FSD2: variants seen among roughly 807,000 people sequenced by gnomAD.
The protein encoded by FSD2 is fibronectin type III and SPRY domain containing 2.
A neutral mutation model predicts 80.4 loss-of-function variants in FSD2; 71 were observed. The ratio of observed to expected loss-of-function variants is 0.88; its 90% CI spans 0.73 to 1.08. The LOEUF is 1.08. Ranked by LOEUF, FSD2 falls within the 50% of genes least tolerant of loss-of-function variation. The probability of loss-of-function intolerance (pLI) is 0.00; values close to 1 mark genes in which losing one functional copy is unlikely to be tolerated. For synonymous variants in FSD2, 361 were observed against 329.5 expected (o/e 1.10, Z -1.03); for missense variants, 923 against 913.8 (o/e 1.01, Z -0.13).
At position 82,759,459 on chromosome 15, in the gene FSD2, T is replaced by C. The variant is rs1424943352; in HGVS notation, c.2139A>G (p.Thr713=). 1.9e-6 allele frequency: 3 copies of C among 1,613,634 alleles called. No homozygotes were observed. The highest frequency in any genetic ancestry group is 4.5e-5 in the East Asian group (2 of 44,882). ...CAAATTCGTGAAGCTGACAACTAAATGTATATAGATGCTGAGAAAGGTCCA... is the reference window on the plus strand; with the variant it reads ...CAAATTCGTGAAGCTGACAACTAAACGTATATAGATGCTGAGAAAGGTCCA... ...FNVDLSQHLY[T]FSCQLHEFVH... is the part of the protein sequence containing the mutation. The change falls in exon 13 of 13, where the codon ACA becomes ACG. Residue 713 remains threonine, a synonymous_variant. Coordinates refer to ENST00000334574, the MANE Select transcript of FSD2 (RefSeq NM_001007122.4).
chr15:82,794,402 GGTCT>G (rs1217554475), intron 1 of FSD2, among the ~76,000 whole-genome samples: 1 of 152,080 alleles, frequency 6.6e-6, no homozygotes, highest in African/African-American at 2.4e-5. Flanking sequence ...GCTAGCATAT[GGTCT>G]GTCTTAGAGA....
intron 11 of FSD2, 56 bp downstream of exon 11, chr15:82,765,110 A>T: frequency 6.5e-7 from 1 of 1,531,608 alleles, no homozygotes; most frequent in Non-Finnish European, 8.8e-7. Context: ...TGACCTGAAT[A>T]ACAGTGCACC....
Position 82,782,065 on chromosome 15 carries a change from AAATAATAAT to A in FSD2, c.966+721_966+729del, listed in dbSNP as rs71455428. On this transcript the variant is annotated intron_variant, in intron 4 of 12. Coordinates refer to ENST00000334574, the MANE Select transcript of FSD2 (RefSeq NM_001007122.4). ...GGCAACAGAGCGAGACTCCATCTCA[AAATAATAAT>A]AATAATAATAATAATAATAATAATA... Among the ~76,000 whole-genome samples the A allele has an allele frequency of 5.9e-3, 627 of 107,014 alleles. 4 individuals are homozygous for A. Among genetic ancestry groups the A allele is most frequent in the Non-Finnish European group, 7.1e-3 (396 of 55,542 alleles). 70.2% of individuals were successfully genotyped at this position (107,014 alleles called of 152,430 possible). A position where few individuals can be genotyped will look rare whatever the true frequency, so the allele number is the denominator to read the frequency against.
rs191247157 is a variant in FSD2 at position 82,764,817 on chromosome 15, G to T, written c.1820+349C>A. ...GTTTGTGCATTTTGTCCAATTCTTT[G>T]TTCAGAACGCCAAGAACTTGGACAC... is the stretch of plus-strand genomic sequence containing the variant. On this transcript the variant is annotated intron_variant, in intron 11 of 12. Coordinates refer to ENST00000334574, the MANE Select transcript of FSD2 (RefSeq NM_001007122.4). Among the ~76,000 whole-genome samples, 1,079 of 152,020 alleles carry T rather than the reference G, an allele frequency of 7.1e-3. 12 individuals carry two copies. The highest frequency in any genetic ancestry group is 0.024 in the African/African-American group (1,006 of 41,460).
intron 1 of FSD2, among the ~76,000 whole-genome samples, chr15:82,796,997 G>A (rs2050287622): frequency 2.1e-5 from 3 of 139,594 alleles, no homozygotes; most frequent in African/African-American, 8.0e-5. Flanking sequence ...TCATTGCACT[G>A]TAAGATTTCA....
chr15:82,797,607 G>A (rs573218676), intron 1 of FSD2, among the ~76,000 whole-genome samples: 3 of 152,190 alleles, frequency 2.0e-5, no homozygotes, highest in East Asian at 1.9e-4. Context: ...TCAGGAGATC[G>A]AAACCGTCCT....
intron 2 of FSD2, 24 bp from the exon 3 acceptor site, chr15:82,786,630 A>G (rs1371417956): frequency 6.2e-7 from 1 of 1,609,668 alleles, no homozygotes; most frequent in South Asian, 1.1e-5. Context: ...GATCACAAAG[A>G]AGGTATTAAT....
intron 1 of FSD2, among the ~76,000 whole-genome samples, chr15:82,795,989 CTTTTTCTTTTCTT>C (rs2050256104): frequency 1.4e-5 from 2 of 140,350 alleles, no homozygotes; most frequent in African/African-American, 5.3e-5. Context: ...ATTTCCTTTT[CTTTTTCTTTTCTT>C]TTTTTTTTTT....
At chr15:82,783,298 C>G (rs2049916571) in intron 3 of FSD2, among the ~76,000 whole-genome samples, 1 of 152,064 alleles carries the variant, frequency 6.6e-6, no homozygotes, top group Non-Finnish European at 1.5e-5. Context: ...GGGGTTTCAT[C>G]ATATTGGCCA....
At chr15:82,771,219 G>A (rs1227433072) in intron 7 of FSD2, among the ~76,000 whole-genome samples, 3 of 152,152 alleles carry the variant, frequency 2.0e-5, no homozygotes, top group African/African-American at 4.8e-5. Context: ...CCTGATTCAC[G>A]TCCTTGTTCT....
chr15:82,769,020 G>A lies in FSD2; in HGVS notation c.1413C>T (p.Pro471=). ...TTATCTCTTTGGTTTTAATAATGGG[G>A]GGAGAAGGTGCTAAATGTGGGAGAA... ...ERAVYMTAPS[P]PIIKTKEIRS... is the part of the protein sequence containing the mutation. The change falls in exon 9 of 13, where the codon CCC becomes CCT. Residue 471 remains proline, a synonymous_variant. Coordinates refer to ENST00000334574, the MANE Select transcript of FSD2 (RefSeq NM_001007122.4). The A allele has an allele frequency of 1.3e-6, 2 of 1,581,422 alleles. No homozygotes were observed. Among genetic ancestry groups the A allele is most frequent in the Non-Finnish European group, 1.7e-6 (2 of 1,166,504 alleles).
At chr15:82,765,323 G>C (rs745636599) in intron 10 of FSD2, 25 bp from the exon 11 acceptor site, 14 of 1,612,408 alleles carry the variant, frequency 8.7e-6, no homozygotes. Context: ...ACACACAGAA[G>C]ACCCGCAGCC....
At chr15:82,802,994 C>A (rs771136656) in intron 1 of FSD2, among the ~76,000 whole-genome samples, 1 of 152,114 alleles carries the variant, frequency 6.6e-6, no homozygotes, top group Admixed American at 6.5e-5. Flanking sequence ...TTCAAGAGAA[C>A]AGGATTGGGC....
intron 6 of FSD2, 38 bp downstream of exon 6, chr15:82,778,728 G>C: frequency 6.4e-7 from 1 of 1,562,420 alleles, no homozygotes; most frequent in Non-Finnish European, 8.7e-7. Flanking sequence ...GCTCTGGGTA[G>C]TCTGAACCTG....
rs548091663 is a variant in FSD2, at chr15:82,758,017, C to T, written c.*1331G>A. Reference sequence around the variant, plus strand: ...CCTCTGCCCCCGGGTTCAAGCAATTCTCCTGCCTCAGCCTCCTGAGTAGCT... The same window carrying T: ...CCTCTGCCCCCGGGTTCAAGCAATTTTCCTGCCTCAGCCTCCTGAGTAGCT... On this transcript the variant is annotated 3_prime_UTR_variant, in exon 13 of 13. Coordinates refer to ENST00000334574, the MANE Select transcript of FSD2 (RefSeq NM_001007122.4). 6.6e-6 allele frequency: 1 copy of T among 152,342 alleles called. No homozygotes were observed. The highest frequency in any genetic ancestry group is 2.4e-5 in the African/African-American group (1 of 41,568). 9.4% of individuals were successfully genotyped at this position (152,342 alleles called of 1,614,324 possible).
At chr15:82,788,379 G>A (rs530201533) in intron 1 of FSD2, among the ~76,000 whole-genome samples, 78 of 150,710 alleles carry the variant, frequency 5.2e-4, no homozygotes, top group Non-Finnish European at 1.0e-3. Context: ...TGGTGTGCAC[G>A]TGTGGTCCCA....
chr15:82,768,979 GC>G lies in FSD2; in HGVS notation c.1453del (p.Ala485LeufsTer3). The G allele has an allele frequency of 6.2e-7, 1 of 1,605,758 alleles. No homozygotes were observed. The highest frequency in any genetic ancestry group is 2.2e-5 in the East Asian group (1 of 44,494). ...CCCAGACTCCCAGCAAATCAGCACA[GC>G]CTCTTCACAGCTCCTTATCTCTTTG... ...KTKEIRSCEEAVLICWESGNL... is the reference protein window; with the variant it reads ...KTKEIRSCEEXVLICWESGNL... On this transcript the variant is annotated frameshift_variant, in exon 9 of 13. Transcript: ENST00000334574. LOFTEE classifies it high-confidence loss of function.
In FSD2 at chr15:82,768,918, C is replaced by G; in HGVS notation, c.1515G>C (p.Leu505=). 1 of 1,587,374 alleles carries G rather than the reference C, an allele frequency of 6.3e-7. No homozygotes were observed. The highest frequency in any genetic ancestry group is 2.3e-5 in the East Asian group (1 of 43,584). The change falls in exon 9 of 13, where the codon CTG becomes CTC. Residue 505 remains leucine, a synonymous_variant. Coordinates refer to ENST00000334574, the MANE Select transcript of FSD2 (RefSeq NM_001007122.4). ...LNPVDSYTVE[L]TQAESPEASG... ...AGGCTTCTGGACTTTCAGCCTGGGT[C>G]AGCTCCACAGTGTACGAGTCCACAG...
At chr15:82,776,982 T>G (rs1159200000) in intron 6 of FSD2, among the ~76,000 whole-genome samples, 1 of 152,198 alleles carries the variant, frequency 6.6e-6, no homozygotes, top group South Asian at 2.1e-4. Flanking sequence ...AAGGATAGTC[T>G]CTTCAACAAA....
Sources: allele counts gnomAD v4.1 joint callset (sites outside exome capture counted in the v4.1 genomes callset), GRCh38; gene constraint gnomAD v4.1.1; transcripts MANE v1.5; gene names NCBI Gene and HGNC (gene_info 2026-07-23, HGNC 2026-07-21).